Variants in ANAPC16 observed in about 807,000 individuals in gnomAD.
The protein encoded by ANAPC16 is anaphase-promoting complex subunit 16.
Under a neutral mutation model 13.1 loss-of-function variants are expected in ANAPC16, and 6 were observed. The ratio of observed to expected loss-of-function variants is 0.46; its 90% CI spans 0.25 to 0.90. The LOEUF is 0.90. ANAPC16 is among the 40% of genes least tolerant of loss of function. The pLI is 0.18. For synonymous variants in ANAPC16, 55 were observed against 51.3 expected, an observed-to-expected ratio of 1.07 and a Z score of -0.31; for missense variants, 113 against 131.1, an observed-to-expected ratio of 0.86 and a Z score of 0.67.
At position 72,230,425 on chromosome 10, in the gene ANAPC16, A is replaced by C; in HGVS notation, c.202A>C (p.Lys68Gln). Residue 68 changes from lysine (K) to glutamine (Q), a missense_variant, in exon 3 of 4, where the codon AAA becomes CAA. Physicochemically the swap from Lys to Gln is moderately conservative, Grantham distance 53. Transcript: ENST00000299381. ...TAGCTATCAAGTGGCATCCACGCTT[A>C]AACAGGTGAAACATGGTAAGCACAT... ...VFSYQVASTL[K>Q]QVKHDQQVAR... 1 of 1,614,078 alleles carries C rather than the reference A, an allele frequency of 6.2e-7. No homozygotes were observed. Among genetic ancestry groups the C allele is most frequent in the Non-Finnish European group, 8.5e-7 (1 of 1,179,942 alleles).
chr10:72,230,345 C>T (rs374454738), intron 2 of ANAPC16, 21 bp from the exon 3 acceptor site: 1 of 1,608,494 alleles, frequency 6.2e-7, no homozygotes, highest in Non-Finnish European at 8.5e-7. Context: ...AGATTAAAAC[C>T]TTTTCTCCTT....
At position 72,232,997 on chromosome 10, in the gene ANAPC16, A is replaced by G. The variant is rs1860372203; in HGVS notation, c.218-4A>G. The G allele has an allele frequency of 6.2e-7, 1 of 1,612,856 alleles. No individual in the cohort carries two copies. The highest frequency in any genetic ancestry group is 1.3e-5 in the African/African-American group (1 of 74,876). ...CATAATATTCTTTCCTTGACTCCTT[A>G]CAGATCAGCAAGTTGCTCGGATGGA... On this transcript the variant is annotated splice_region_variant and splice_polypyrimidine_tract_variant and intron_variant, in intron 3 of 3. Coordinates refer to ENST00000299381, the MANE Select transcript of ANAPC16 (RefSeq NM_173473.4).
intron 3 of ANAPC16, among the ~76,000 whole-genome samples, chr10:72,230,757 G>A (rs1282399342): frequency 1.3e-5 from 2 of 152,132 alleles, no homozygotes; most frequent in East Asian, 3.9e-4. Flanking sequence ...CAGGCATGGT[G>A]GCGCATACCT....
intron 3 of ANAPC16, among the ~76,000 whole-genome samples, chr10:72,232,352 C>G (rs552368047): frequency 4.0e-5 from 6 of 151,812 alleles, no homozygotes; most frequent in African/African-American, 1.4e-4. Context: ...CGAGACTAGC[C>G]TGGCCAACAT....
In ANAPC16 at chr10:72,233,895, TAGA is replaced by T. The variant is rs894606882; in HGVS notation, c.*785_*787del. 5.6e-4 allele frequency: 86 copies of T among 152,734 alleles called. 3 individuals are homozygous for T. Among genetic ancestry groups the T allele is most frequent in the Admixed American group, 3.9e-3 (60 of 15,296 alleles). 9.5% of individuals were successfully genotyped at this position (152,734 alleles called of 1,614,324 possible). ...GAAGTGAAGAGGTCAAATTACTTTT[TAGA>T]AGAAGGGAATCTAAAAACCATCTCT... is the stretch of plus-strand genomic sequence containing the variant. On this transcript the variant is annotated 3_prime_UTR_variant, in exon 4 of 4. Coordinates refer to ENST00000299381, the MANE Select transcript of ANAPC16 (RefSeq NM_173473.4).
intron 2 of ANAPC16, among the ~76,000 whole-genome samples, chr10:72,226,307 CCG>C (rs1160458437): frequency 6.6e-6 from 1 of 152,080 alleles, no homozygotes; most frequent in East Asian, 1.9e-4. Flanking sequence ...GCATGAACCA[CCG>C]CACCTGGCCT....
rs1046789731 is a variant in ANAPC16, at chr10:72,216,056, C to A, written c.-110C>A. On this transcript the variant is annotated 5_prime_UTR_variant, in exon 1 of 4. Coordinates refer to ENST00000299381, the MANE Select transcript of ANAPC16 (RefSeq NM_173473.4). ...CTCCGTCTGTTGGGGGGCGAACACG[C>A]CGCGGTCCTCGTCGTGGTGAGCGCA... 1 of 152,460 alleles carries A rather than the reference C, an allele frequency of 6.6e-6. No homozygotes were observed. Among genetic ancestry groups the A allele is most frequent in the Admixed American group, 6.5e-5 (1 of 15,304 alleles). The allele number at this position is 152,460 out of a possible 1,614,324, so 9.4% of individuals were successfully genotyped here. A position where few individuals can be genotyped will look rare whatever the true frequency, so the allele number is the denominator to read the frequency against.
At chr10:72,221,203 A>G (rs927371015) in intron 1 of ANAPC16, among the ~76,000 whole-genome samples, 6 of 152,236 alleles carry the variant, frequency 3.9e-5, no homozygotes, top group Non-Finnish European at 8.8e-5. Flanking sequence ...GGCGTTAGCC[A>G]CCAGCCTGCA....
intron 2 of ANAPC16, among the ~76,000 whole-genome samples, chr10:72,229,095 G>A (rs919366730): frequency 6.6e-5 from 10 of 151,736 alleles, no homozygotes; most frequent in Admixed American, 5.9e-4. Context: ...AATATGAATA[G>A]GATAATGACT....
intron 2 of ANAPC16, among the ~76,000 whole-genome samples, chr10:72,229,181 A>G (rs999006618): frequency 3.9e-5 from 6 of 151,966 alleles, no homozygotes; most frequent in Admixed American, 3.9e-4. Flanking sequence ...TGAAGAATAC[A>G]AAAAGTATAC....
Position 72,229,661 on chromosome 10 carries a change from A to G in ANAPC16, c.143-705A>G, listed in dbSNP as rs188285588. On this transcript the variant is annotated intron_variant, in intron 2 of 3. Coordinates refer to ENST00000299381, the MANE Select transcript of ANAPC16 (RefSeq NM_173473.4). Reference sequence around the variant, plus strand: ...TTTGCTGTATCAGCCCTTGCCTGACAAGGAATAACATGAACTAGCTTATGT... The same window carrying G: ...TTTGCTGTATCAGCCCTTGCCTGACGAGGAATAACATGAACTAGCTTATGT... 1.8e-4 allele frequency among the ~76,000 whole-genome samples: 28 copies of G among 152,338 alleles called. No homozygotes were observed. The East Asian group carries it at 5.2e-3, about 28-fold the overall frequency.
chr10:72,218,196 A>ATG (rs1859732537), intron 1 of ANAPC16, among the ~76,000 whole-genome samples: 1 of 118,654 alleles, frequency 8.4e-6, no homozygotes, highest in African/African-American at 3.6e-5. Context: ...ATATATATAT[A>ATG]TATATATATA....
intron 2 of ANAPC16, among the ~76,000 whole-genome samples, chr10:72,229,230 T>C (rs960151739): frequency 5.0e-5 from 7 of 141,386 alleles, no homozygotes; most frequent in Non-Finnish European, 9.1e-5. Flanking sequence ...CTTTTTCTCT[T>C]TTTTTTTTTT....
chr10:72,231,525 G>A (rs916694983), intron 3 of ANAPC16, among the ~76,000 whole-genome samples: 1 of 152,052 alleles, frequency 6.6e-6, no homozygotes. Context: ...AAAAAATAGG[G>A]CACATCCTGA....
chr10:72,216,042 G>C lies in ANAPC16; in HGVS notation c.-124G>C, dbSNP rs1030717564. On this transcript the variant is annotated 5_prime_UTR_variant, in exon 1 of 4. Transcript: ENST00000299381. The stretch of plus-strand genomic sequence containing the variant: ...GCCTTCGCCGCTGGCTCCGTCTGTT[G>C]GGGGGCGAACACGCCGCGGTCCTCG... 1.3e-5 allele frequency: 2 copies of C among 152,358 alleles called. No individual in the cohort carries two copies. The highest frequency in any genetic ancestry group is 1.5e-5 in the Non-Finnish European group (1 of 68,164). The allele number at this position is 152,358 out of a possible 1,614,324, so 9.4% of individuals were successfully genotyped here. A position where few individuals can be genotyped will look rare whatever the true frequency, so the allele number is the denominator to read the frequency against.
chr10:72,232,972 C>T, intron 3 of ANAPC16, 29 bp from the exon 4 acceptor site: 2 of 1,571,742 alleles, frequency 1.3e-6, no homozygotes, highest in Non-Finnish European at 1.8e-6. Flanking sequence ...TACGTTGTTG[C>T]ATAATATTCT....
chr10:72,219,261 G>A (rs781540372), intron 1 of ANAPC16, among the ~76,000 whole-genome samples: 1 of 152,144 alleles, frequency 6.6e-6, no homozygotes, highest in African/African-American at 2.4e-5. Context: ...ATTTGGACCT[G>A]GTCCCTTACT....
Position 72,234,640 on chromosome 10 carries a change from GTA to G in ANAPC16, c.*1525_*1526del, listed in dbSNP as rs1860420726. ...TCTGCTTAGAGTTGCTTAATTATAA[GTA>G]AATATAATCCCAGTAGCATTTAGCC... On this transcript the variant is annotated 3_prime_UTR_variant, in exon 4 of 4. Coordinates refer to ENST00000299381, the MANE Select transcript of ANAPC16 (RefSeq NM_173473.4). The G allele has an allele frequency of 6.6e-6, 1 of 152,166 alleles. No individual in the cohort carries two copies. The allele number at this position is 152,166 out of a possible 1,614,324, so 9.4% of individuals were successfully genotyped here.
At chr10:72,231,162 G>A (rs896599934) in intron 3 of ANAPC16, among the ~76,000 whole-genome samples, 3 of 152,172 alleles carry the variant, frequency 2.0e-5, no homozygotes, top group African/African-American at 7.2e-5. Flanking sequence ...TATGTAGGGG[G>A]AAAAGCTGTA....
Sources: gnomAD v4.1 joint callset for allele counts (sites outside exome capture counted in the v4.1 genomes callset) on GRCh38, gnomAD v4.1.1 for gene constraint, MANE v1.5 for transcripts, NCBI Gene and HGNC (gene_info 2026-07-23, HGNC 2026-07-21) for gene names.